Variants in LMX1A observed in about 807,000 individuals in gnomAD.
LMX1A encodes LIM homeobox transcription factor 1 alpha, also known as LIM homeobox transcription factor 1-alpha.
A neutral mutation model predicts 49.1 loss-of-function variants in LMX1A; 15 were observed. That is an observed-to-expected ratio of 0.31 (90% CI 0.20 to 0.47). The LOEUF (loss-of-function observed/expected upper bound fraction) is 0.47, where lower values mean the gene tolerates loss of function less well. LMX1A is among the 20% of genes least tolerant of loss of function. The pLI, the probability that LMX1A is intolerant of heterozygous loss-of-function variation, is 1.00. For synonymous variants in LMX1A, 167 were observed against 185.7 expected, an observed-to-expected ratio of 0.90 and a Z score of 0.82; for missense variants, 372 against 475.8, an observed-to-expected ratio of 0.78 and a Z score of 2.03.
At chr1:165,299,963 T>C (rs533314723) in intron 3 of LMX1A, among the ~76,000 whole-genome samples, 50 of 152,150 alleles carry the variant, frequency 3.3e-4, no homozygotes, top group Non-Finnish European at 6.5e-4. Context: ...CCAGTACGAC[T>C]ATAGGGTCAC....
chr1:165,251,800 A>G (rs943413334), intron 3 of LMX1A, among the ~76,000 whole-genome samples: 1 of 152,080 alleles, frequency 6.6e-6, no homozygotes, highest in Non-Finnish European at 1.5e-5. Context: ...CCCTAGCCTG[A>G]AGTGACTGCC....
chr1:165,249,547 G>A lies in LMX1A; in HGVS notation c.357C>T (p.Cys119=). The A allele has an allele frequency of 6.2e-7, 1 of 1,614,178 alleles. No homozygotes were observed. Among genetic ancestry groups the A allele is most frequent in the African/African-American group, 1.3e-5 (1 of 75,044 alleles). Residue 119 remains cysteine (C), a synonymous_variant, in exon 4 of 9, where the codon TGC becomes TGT. Coordinates refer to ENST00000342310, the MANE Select transcript of LMX1A (RefSeq NM_177398.4). ...RAQKSVYHLS[C]FCCCVCERQL... Reference sequence around the variant, plus strand: ...GTCGCTCGCAGACACAGCAGCAGAAGCAGCTCAGGTGGTATACACTCTTCT... The same window carrying A: ...GTCGCTCGCAGACACAGCAGCAGAAACAGCTCAGGTGGTATACACTCTTCT...
chr1:165,345,808 C>T (rs991163343), intron 3 of LMX1A, among the ~76,000 whole-genome samples: 1 of 152,106 alleles, frequency 6.6e-6, no homozygotes, highest in Non-Finnish European at 1.5e-5. Context: ...GTGGGAGGAT[C>T]GCTTTGAGGC....
At chr1:165,335,841 G>A (rs1655881304) in intron 3 of LMX1A, among the ~76,000 whole-genome samples, 1 of 151,364 alleles carries the variant, frequency 6.6e-6, no homozygotes, top group Admixed American at 6.6e-5. Flanking sequence ...TACTTTATGA[G>A]GCAATCTGTC....
intron 3 of LMX1A, among the ~76,000 whole-genome samples, chr1:165,306,275 C>T (rs775848627): frequency 3.2e-4 from 49 of 152,202 alleles, no homozygotes; most frequent in Admixed American, 5.2e-4. Flanking sequence ...TTGCCCCTCC[C>T]TTTGGATATA....
chr1:165,329,081 G>T lies in LMX1A; in HGVS notation c.263+23995C>A, dbSNP rs146931250. Among the ~76,000 whole-genome samples the T allele has an allele frequency of 5.9e-5, 9 of 152,330 alleles. No homozygotes were observed. In the East Asian group the frequency reaches 1.7e-3, roughly 29 times the overall value. ...AGAGGTTTAATTGACTCACAGTTCT[G>T]CATGGCTGGGGAGGCCTCAGAAAAA... On this transcript the variant is annotated intron_variant, in intron 3 of 8. Coordinates refer to ENST00000342310, the MANE Select transcript of LMX1A (RefSeq NM_177398.4).
chr1:165,315,655 A>G (rs552230913), intron 3 of LMX1A, among the ~76,000 whole-genome samples: 144 of 152,284 alleles, frequency 9.5e-4, no homozygotes, highest in Non-Finnish European at 1.0e-4. Context: ...GCATTTCACA[A>G]TCCCACACTG....
intron 4 of LMX1A, among the ~76,000 whole-genome samples, chr1:165,233,280 C>A (rs899648747): frequency 6.6e-6 from 1 of 150,854 alleles, no homozygotes. Context: ...CACAGGGAGA[C>A]CCAGTATCTA....
chr1:165,292,123 G>A (rs1355191414), intron 3 of LMX1A, among the ~76,000 whole-genome samples: 1 of 150,402 alleles, frequency 6.6e-6, no homozygotes, highest in Non-Finnish European at 1.5e-5. Flanking sequence ...GACTAAGGCA[G>A]GCAGAGACGC....
Position 165,264,906 on chromosome 1 carries a change from C to T in LMX1A, c.264-15266G>A, listed in dbSNP as rs146462228. ...TGGGAGACAGAACAATACCCTGCCT[C>T]GAAATAAAAAAGGAAGGCCGGGCGC... On this transcript the variant is annotated intron_variant, in intron 3 of 8. Transcript: ENST00000342310. Among the ~76,000 whole-genome samples the T allele has an allele frequency of 5.3e-5, 8 of 151,246 alleles. No individual in the cohort carries two copies. The East Asian group carries it at 1.2e-3, about 22-fold the overall frequency.
chr1:165,286,048 G>A lies in LMX1A; in HGVS notation c.264-36408C>T, dbSNP rs377266022. Among the ~76,000 whole-genome samples, 13 of 152,298 alleles carry A rather than the reference G, an allele frequency of 8.5e-5. No individual in the cohort carries two copies. The East Asian group carries it at 2.5e-3, about 29-fold the overall frequency. The stretch of plus-strand genomic sequence containing the variant: ...ACCCCTGAGTGGTTGCTGTACAGGG[G>A]GAAGTGGAATTGGCATGAGGGCCCC... On this transcript the variant is annotated intron_variant, in intron 3 of 8. Transcript: ENST00000342310.
At chr1:165,253,842 C>A (rs1653140902) in intron 3 of LMX1A, among the ~76,000 whole-genome samples, 1 of 152,118 alleles carries the variant, frequency 6.6e-6, no homozygotes, top group African/African-American at 2.4e-5. Context: ...TTCCCCTGTC[C>A]TCTCGCCCAG....
At chr1:165,293,974 T>A (rs537986940) in intron 3 of LMX1A, among the ~76,000 whole-genome samples, 1 of 152,138 alleles carries the variant, frequency 6.6e-6, no homozygotes, top group Non-Finnish European at 1.5e-5. Context: ...AAGTACCATA[T>A]AAGAGTTTTC....
chr1:165,253,304 G>A (rs571411878), intron 3 of LMX1A, among the ~76,000 whole-genome samples: 2 of 152,306 alleles, frequency 1.3e-5, no homozygotes, highest in South Asian at 4.1e-4. Context: ...TAAAGCTATA[G>A]TATATATAAT....
chr1:165,239,514 G>A (rs550492417), intron 4 of LMX1A, among the ~76,000 whole-genome samples: 2 of 152,120 alleles, frequency 1.3e-5, no homozygotes, highest in Non-Finnish European at 2.9e-5. Flanking sequence ...TACACTAGAA[G>A]ACAAAAGTTC....
chr1:165,302,269 C>T (rs1432183926), intron 3 of LMX1A, among the ~76,000 whole-genome samples: 2 of 151,814 alleles, frequency 1.3e-5, no homozygotes, highest in East Asian at 3.9e-4. Context: ...CATGGAGAAA[C>T]CCCATCTCTA....
intron 4 of LMX1A, among the ~76,000 whole-genome samples, chr1:165,247,054 C>CTTTTTTTTTTCTTT (rs1652877682): frequency 1.9e-5 from 1 of 53,228 alleles, no homozygotes; most frequent in Non-Finnish European, 3.3e-5. Context: ...TCAGCTTTTT[C>CTTTTTTTTTTCTTT]TTTTTTTTTT....
intron 4 of LMX1A, among the ~76,000 whole-genome samples, chr1:165,224,685 T>C (rs1450692324): frequency 6.6e-6 from 1 of 152,178 alleles, no homozygotes; most frequent in African/African-American, 2.4e-5. Flanking sequence ...TCAGTTAATA[T>C]AGAAGGAAGA....
intron 3 of LMX1A, among the ~76,000 whole-genome samples, chr1:165,274,930 G>GAC (rs562834369): frequency 7.5e-4 from 114 of 152,308 alleles, no homozygotes; most frequent in African/African-American, 2.5e-3. Flanking sequence ...CCCAGTGACT[G>GAC]ACACATAGTA....
Sources: allele counts gnomAD v4.1 joint callset (sites outside exome capture counted in the v4.1 genomes callset), GRCh38; gene constraint gnomAD v4.1.1; transcripts MANE v1.5; gene names NCBI Gene and HGNC (gene_info 2026-07-23, HGNC 2026-07-21).